HSD17B2: variants seen among roughly 807,000 people sequenced by gnomAD.
HSD17B2 encodes the protein 17-beta-hydroxysteroid dehydrogenase type 2.
HSD17B2 carries 32 observed loss-of-function variants against 26.9 expected under a neutral mutation model. The observed-to-expected ratio is 1.19, with a 90% CI of 0.90 to 1.60. The LOEUF (loss-of-function observed/expected upper bound fraction) is 1.60. HSD17B2 is among the 40% of genes most tolerant of loss of function. The probability of loss-of-function intolerance (pLI) is 0.00; values close to 1 mark genes in which losing one functional copy is unlikely to be tolerated. For missense variants in HSD17B2, 613 were observed against 468.6 expected (o/e 1.31, Z -2.85); for synonymous variants, 246 against 186.7 (o/e 1.32, Z -2.59).
intron 1 of HSD17B2, among the ~76,000 whole-genome samples, chr16:82,062,246 T>A (rs1215045599): frequency 1.3e-5 from 2 of 152,344 alleles, no homozygotes; most frequent in Non-Finnish European, 1.5e-5. Context: ...CAAATGGGTC[T>A]GTAGTAGTCA....
chr16:82,067,668 T>A (rs1052586910), intron 1 of HSD17B2, among the ~76,000 whole-genome samples: 1 of 152,190 alleles, frequency 6.6e-6, no homozygotes, highest in African/African-American at 2.4e-5. Context: ...GGCCATGAAC[T>A]TTTTATAATC....
At chr16:82,082,157 G>C (rs772303041) in intron 3 of HSD17B2, among the ~76,000 whole-genome samples, 3 of 152,026 alleles carry the variant, frequency 2.0e-5, no homozygotes, top group Non-Finnish European at 4.4e-5. Context: ...TTTGTTTTCC[G>C]TTAAAGACTG....
intron 3 of HSD17B2, among the ~76,000 whole-genome samples, chr16:82,081,504 G>A (rs1904379474): frequency 6.6e-6 from 1 of 152,124 alleles, no homozygotes; most frequent in Admixed American, 6.6e-5. Flanking sequence ...CTGCCTGGTT[G>A]GGTGACACTC....
chr16:82,073,772 C>G (rs1158606107), intron 3 of HSD17B2, among the ~76,000 whole-genome samples: 1 of 152,192 alleles, frequency 6.6e-6, no homozygotes, highest in East Asian at 1.9e-4. Flanking sequence ...AATGGCCACT[C>G]TGCCCAAAGC....
chr16:82,086,412 G>A (rs1254107051), intron 3 of HSD17B2, among the ~76,000 whole-genome samples: 1 of 152,162 alleles, frequency 6.6e-6, no homozygotes, highest in Non-Finnish European at 1.5e-5. Context: ...GTAAGCTTCA[G>A]AATGGTAACT....
intron 1 of HSD17B2, among the ~76,000 whole-genome samples, chr16:82,053,047 C>T (rs1271960923): frequency 1.3e-5 from 2 of 152,204 alleles, no homozygotes; most frequent in African/African-American, 4.8e-5. Context: ...TAATTACCTC[C>T]CAAAGGCTCC....
chr16:82,035,995 A>G (rs1048087101), intron 1 of HSD17B2, among the ~76,000 whole-genome samples: 1 of 152,142 alleles, frequency 6.6e-6, no homozygotes, highest in Non-Finnish European at 1.5e-5. Flanking sequence ...TGTACCCAGG[A>G]ATGTCCCATA....
intron 1 of HSD17B2, 42 bp from the exon 2 acceptor site, chr16:82,068,128 C>G (rs1758217525): frequency 6.6e-7 from 1 of 1,514,992 alleles, no homozygotes; most frequent in Non-Finnish European, 9.2e-7. Flanking sequence ...TCTCCTGTCA[C>G]TCTGGTTTGA....
chr16:82,086,523 C>T (rs896263328), intron 3 of HSD17B2, among the ~76,000 whole-genome samples: 3 of 152,098 alleles, frequency 2.0e-5, no homozygotes, highest in Admixed American at 1.3e-4. Context: ...TGAATTTATT[C>T]CCCTGCCAGG....
At chr16:82,045,638 A>G (rs1236979561) in intron 1 of HSD17B2, among the ~76,000 whole-genome samples, 1 of 152,192 alleles carries the variant, frequency 6.6e-6, no homozygotes, top group African/African-American at 2.4e-5. Context: ...GCCTCATACA[A>G]TAGTGCCCTG....
In HSD17B2 at chr16:82,035,601, C is replaced by G; in HGVS notation, c.177C>G (p.Ile59Met). The G allele has an allele frequency of 4.3e-6, 7 of 1,613,966 alleles. No homozygotes were observed. Among genetic ancestry groups the G allele is most frequent in the Non-Finnish European group, 5.1e-6 (6 of 1,180,016 alleles). ...TCCTGTCCCCTTTTTGGGGCTTGAT[C>G]CTCTTCTCGGTGTCATGCTTCCTCA... Reference protein sequence around the residue: ...LLILSPFWGLILFSVSCFLMY... With the variant: ...LLILSPFWGLMLFSVSCFLMY... The change falls in exon 1 of 5, where the codon ATC becomes ATG. Residue 59 changes from isoleucine (I) to methionine (M), a missense_variant. Transcript: ENST00000199936.
Position 82,098,378 on chromosome 16 carries a change from A to C in HSD17B2, c.1106A>C (p.Gln369Pro). 6.2e-7 allele frequency: 1 copy of C among 1,614,138 alleles called. No homozygotes were observed. Among genetic ancestry groups the C allele is most frequent in the Non-Finnish European group, 8.5e-7 (1 of 1,179,986 alleles). Residue 369 changes from glutamine (Q) to proline (P), a missense_variant, in exon 5 of 5, where the codon CAA (glutamine) becomes CCA (proline). Gln to Pro is a moderately conservative substitution (Grantham distance 76). Coordinates refer to ENST00000199936, the MANE Select transcript of HSD17B2 (RefSeq NM_002153.3). Reference sequence around the variant, plus strand: ...TACTTTGCTAAAAGACATTTTGGCCAAGACAAGCCCATGCCCAGAGCTCTA... The same window carrying C: ...TACTTTGCTAAAAGACATTTTGGCCCAGACAAGCCCATGCCCAGAGCTCTA... ...YDYFAKRHFG[Q>P]DKPMPRALRM...
intron 3 of HSD17B2, among the ~76,000 whole-genome samples, chr16:82,072,364 C>A (rs909908337): frequency 1.3e-5 from 2 of 152,214 alleles, no homozygotes; most frequent in South Asian, 4.1e-4. Flanking sequence ...AGAAAACACA[C>A]AGCAATATTT....
At chr16:82,037,429 C>T (rs1330597452) in intron 1 of HSD17B2, among the ~76,000 whole-genome samples, 1 of 152,136 alleles carries the variant, frequency 6.6e-6, no homozygotes, top group Admixed American at 6.5e-5. Flanking sequence ...TTTGGAATAA[C>T]CTTTGTTCCA....
rs558953615 is a variant in HSD17B2, at chr16:82,091,557, G to A, written c.802+518G>A. ...AGTATTTCAGGAAAGGGAAGTCAGG[G>A]ACCTCTCAGGGATGTCTTGGATAGA... On this transcript the variant is annotated intron_variant, in intron 4 of 4. Transcript: ENST00000199936. 2.1e-4 allele frequency: 37 copies of A among 172,498 alleles called. 1 individual carries two copies. In the South Asian group the frequency reaches 5.5e-3, roughly 26 times the overall value. 10.7% of individuals were successfully genotyped at this position (172,498 alleles called of 1,614,324 possible).
intron 3 of HSD17B2, among the ~76,000 whole-genome samples, chr16:82,087,647 T>A (rs1183193814): frequency 6.6e-6 from 1 of 152,224 alleles, no homozygotes; most frequent in African/African-American, 2.4e-5. Context: ...ACAAACTTCA[T>A]ATGTCATGTC....
chr16:82,097,276 G>A (rs1203964576), intron 4 of HSD17B2: 1 of 124,520 alleles, frequency 8.0e-6, no homozygotes, highest in South Asian at 2.9e-4. Context: ...CTATGTGTGT[G>A]TATGTGTGTG....
chr16:82,037,430 CT>C (rs548835039), intron 1 of HSD17B2, among the ~76,000 whole-genome samples: 48 of 152,212 alleles, frequency 3.2e-4, no homozygotes, highest in African/African-American at 1.1e-3. Context: ...TTGGAATAAC[CT>C]TTGTTCCAGA....
Position 82,098,390 on chromosome 16 carries a change from T to C in HSD17B2, c.1118T>C (p.Met373Thr), listed in dbSNP as rs915472310. 2 of 1,613,710 alleles carry C rather than the reference T, an allele frequency of 1.2e-6. No homozygotes were observed. Among genetic ancestry groups the C allele is most frequent in the Admixed American group, 1.7e-5 (1 of 59,972 alleles). The change falls in exon 5 of 5, where the codon ATG (methionine) becomes ACG (threonine). Residue 373 changes from methionine (M) to threonine (T), a missense_variant. Physicochemically the swap from Met to Thr is moderately conservative, Grantham distance 81. Transcript: ENST00000199936. Reference sequence around the variant, plus strand: ...AGACATTTTGGCCAAGACAAGCCCATGCCCAGAGCTCTAAGAATGCCTAAC... The same window carrying C: ...AGACATTTTGGCCAAGACAAGCCCACGCCCAGAGCTCTAAGAATGCCTAAC... ...AKRHFGQDKP[M>T]PRALRMPNYK... is the part of the protein sequence containing the mutation.
Sources: allele counts gnomAD v4.1 joint callset (sites outside exome capture counted in the v4.1 genomes callset), GRCh38; gene constraint gnomAD v4.1.1; transcripts MANE v1.5; gene names NCBI Gene and HGNC (gene_info 2026-07-23, HGNC 2026-07-21).